Variants in ATP2A3 observed in about 807,000 individuals in gnomAD.
ATP2A3 encodes sarcoplasmic/endoplasmic reticulum calcium ATPase 3.
Under a neutral mutation model 106.8 loss-of-function variants are expected in ATP2A3, and 61 were observed. The observed-to-expected ratio is 0.57, with a 90% CI of 0.46 to 0.71. The LOEUF is 0.71. Ranked by LOEUF, ATP2A3 falls within the 30% of genes least tolerant of loss-of-function variation. ATP2A3 has a pLI of 0.00. For missense variants in ATP2A3, 1,201 were observed against 1,423.5 expected, an observed-to-expected ratio of 0.84 and a Z score of 2.52; for synonymous variants, 611 against 609.3, an observed-to-expected ratio of 1.00 and a Z score of -0.04.
Position 3,928,608 on chromosome 17 carries a change from G to C in ATP2A3, c.2980+55C>G, listed in dbSNP as rs1476138732. On this transcript the variant is annotated intron_variant, in intron 20 of 20. Transcript: ENST00000397041. The surrounding 1 kb of genome is among the most constrained non-coding windows in gnomAD (Gnocchi z 6.1). The stretch of plus-strand genomic sequence containing the variant: ...CACCCACAGCGTCCACTGCAGCCCA[G>C]GAGCAGAGGCGGGCGGGGAGGCAGG... The C allele has an allele frequency of 2.3e-5, 34 of 1,450,606 alleles. No homozygotes were observed. In the Admixed American group the frequency reaches 6.3e-4, roughly 27 times the overall value. 89.9% of individuals were successfully genotyped at this position (1,450,606 alleles called of 1,614,324 possible). A position where few individuals can be genotyped will look rare whatever the true frequency, so the allele number is the denominator to read the frequency against.
At chr17:3,944,672 C>G (rs1157719343) in intron 10 of ATP2A3, 32 bp downstream of exon 10, 2 of 1,603,224 alleles carry the variant, frequency 1.2e-6, no homozygotes, top group East Asian at 4.5e-5. Flanking sequence ...CGCCTGGATA[C>G]TAGGGAGGTC....
At position 3,955,920 on chromosome 17, in the gene ATP2A3, C is replaced by T. The variant is rs1269769364; in HGVS notation, c.119-2210G>A. ...TTTTTGAGATGGAGTCTTGCTCTCTCGCCCAGGCTGGAGCGCAGTGGCGGG... is the reference window on the plus strand; with the variant it reads ...TTTTTGAGATGGAGTCTTGCTCTCTTGCCCAGGCTGGAGCGCAGTGGCGGG... On this transcript the variant is annotated intron_variant, in intron 1 of 20. Coordinates refer to ENST00000397041, the MANE Select transcript of ATP2A3 (RefSeq NM_005173.4). This position sits in a 1 kb window ranked among gnomAD's most constrained non-coding sequence, Gnocchi z 4.2. Among the ~76,000 whole-genome samples the T allele has an allele frequency of 6.6e-6, 1 of 151,058 alleles. No homozygotes were observed. Among genetic ancestry groups the T allele is most frequent in the African/African-American group, 2.4e-5 (1 of 40,988 alleles).
At position 3,925,403 on chromosome 17, in the gene ATP2A3, T is replaced by C. The variant is rs79980163; in HGVS notation, c.*19A>G. On this transcript the variant is annotated 3_prime_UTR_variant, in exon 21 of 21. Transcript: ENST00000397041. The surrounding 1 kb of genome is among the most constrained non-coding windows in gnomAD (Gnocchi z 4.2). ...TCAGTCTGAGGTACACACCGGAGACTCCACTCTGTTCCCAGCGCTCACTTC... is the reference window on the plus strand; with the variant it reads ...TCAGTCTGAGGTACACACCGGAGACCCCACTCTGTTCCCAGCGCTCACTTC... 6.3e-4 allele frequency: 1,018 copies of C among 1,613,864 alleles called. 10 individuals carry two copies. In the African/African-American group the frequency reaches 0.012, roughly 19 times the overall value.
chr17:3,927,640 G>GA (rs1462820164), intron 20 of ATP2A3: 1 of 985,308 alleles, frequency 1.0e-6, no homozygotes, highest in East Asian at 1.1e-4. Context: ...ACAGGGGGCA[G>GA]AATGGCCTTG....
At chr17:3,948,153 G>T (rs1051579443) in intron 7 of ATP2A3, among the ~76,000 whole-genome samples, 1 of 152,212 alleles carries the variant, frequency 6.6e-6, no homozygotes, top group East Asian at 1.9e-4. Flanking sequence ...ATCAACCAGC[G>T]CAGCACAAGC....
At position 3,941,432 on chromosome 17, in the gene ATP2A3, C is replaced by T. The variant is rs374788633; in HGVS notation, c.1764+4G>A. On this transcript the variant is annotated splice_donor_region_variant and intron_variant, in intron 13 of 20. Transcript: ENST00000397041. The stretch of plus-strand genomic sequence containing the variant: ...CTGCAGGGAGAATCGGCTCCTGCAC[C>T]CACCTCGTACTGCACAAACTTGCTG... The T allele has an allele frequency of 6.8e-5, 110 of 1,613,984 alleles. No homozygotes were observed. Among genetic ancestry groups the T allele is most frequent in the Non-Finnish European group, 9.1e-5 (107 of 1,180,030 alleles).
Position 3,930,398 on chromosome 17 carries a change from AGAGCGGGTTGTCTTCG to A in ATP2A3, c.2631_2646del (p.Glu878LeufsTer23). 6.2e-7 allele frequency: 1 copy of A among 1,614,028 alleles called. No individual in the cohort carries two copies. Among genetic ancestry groups the A allele is most frequent in the Non-Finnish European group, 8.5e-7 (1 of 1,180,004 alleles). On this transcript the variant is annotated frameshift_variant, in exon 18 of 21. Coordinates refer to ENST00000397041, the MANE Select transcript of ATP2A3 (RefSeq NM_005173.4). LOFTEE classifies it high-confidence loss of function. This position sits in a 1 kb window ranked among gnomAD's most constrained non-coding sequence, Gnocchi z 5.4. Reference sequence around the variant, plus strand: ...AACACCTCACAGTCGATGCCGGCAAAGAGCGGGTTGTCTTCGGAGCACTTCAGGAAGTTCCTCTGGG... The same window carrying A: ...AACACCTCACAGTCGATGCCGGCAAAGAGCACTTCAGGAAGTTCCTCTGGG...
Position 3,941,487 on chromosome 17 carries a change from T to TG in ATP2A3, c.1712dup (p.Arg572LysfsTer35), listed in dbSNP as rs779330933. The TG allele has an allele frequency of 1.9e-6, 3 of 1,613,632 alleles. No homozygotes were observed. The highest frequency in any genetic ancestry group is 2.5e-6 in the Non-Finnish European group (3 of 1,179,824). On this transcript the variant is annotated frameshift_variant, in exon 13 of 21. Coordinates refer to ENST00000397041, the MANE Select transcript of ATP2A3 (RefSeq NM_005173.4). LOFTEE classifies it high-confidence loss of function. ...CGTCCAGCTCCATGTCCTCCTTCCTTGGGGGCGCGTCCCGGGTGGCCAGTG... is the reference window on the plus strand; with the variant it reads ...CGTCCAGCTCCATGTCCTCCTTCCTTGGGGGGCGCGTCCCGGGTGGCCAGTG...
intron 1 of ATP2A3, among the ~76,000 whole-genome samples, chr17:3,956,804 C>G (rs956024728): frequency 3.3e-5 from 5 of 152,198 alleles, no homozygotes; most frequent in East Asian, 1.9e-4. Context: ...ACTGATACCC[C>G]CTCCGCTGTG....
At chr17:3,964,041 A>T in intron 1 of ATP2A3, 133 bp downstream of exon 1, 1 of 362,088 alleles carries the variant, frequency 2.8e-6, no homozygotes, top group Non-Finnish European at 4.1e-6. Flanking sequence ...CGGGTGCCCC[A>T]GGAGCATCCG....
chr17:3,941,042 C>A lies in ATP2A3; in HGVS notation c.2029G>T (p.Ala677Ser). The change falls in exon 14 of 21, where the codon GCC (alanine) becomes TCC (serine). Residue 677 changes from alanine (A) to serine (S), a missense_variant. Ala to Ser is a moderately conservative substitution (Grantham distance 99). Coordinates refer to ENST00000397041, the MANE Select transcript of ATP2A3 (RefSeq NM_005173.4). Reference sequence around the variant, plus strand: ...GACTTGTGTGCGGGCTCCACGCGGGCGAAGCAGCGGGCGGTGCGGCAGGCC... The same window carrying A: ...GACTTGTGTGCGGGCTCCACGCGGGAGAAGCAGCGGGCGGTGCGGCAGGCC... ...RQACRTARCFARVEPAHKSRI... is the reference protein window; with the variant it reads ...RQACRTARCFSRVEPAHKSRI... 3.7e-6 allele frequency: 6 copies of A among 1,613,848 alleles called. No individual in the cohort carries two copies. The highest frequency in any genetic ancestry group is 5.1e-6 in the Non-Finnish European group (6 of 1,179,798).
At chr17:3,945,334 C>T in intron 8 of ATP2A3, 186 bp from the exon 9 acceptor site, 1 of 536,240 alleles carries the variant, frequency 1.9e-6, no homozygotes. Flanking sequence ...ACCGTCTGCT[C>T]TGCCAGATGT....
intron 8 of ATP2A3, among the ~76,000 whole-genome samples, chr17:3,945,682 C>A (rs563172571): frequency 9.2e-5 from 14 of 152,348 alleles, no homozygotes; most frequent in African/African-American, 2.2e-4. Context: ...ACTCAGCCCC[C>A]ACCTGTGCAC....
rs1324281455 is a variant in ATP2A3 at position 3,958,789 on chromosome 17, T to TAC, written c.119-5081_119-5080dup. Among the ~76,000 whole-genome samples, 24 of 94,926 alleles carry TAC rather than the reference T, an allele frequency of 2.5e-4. 1 individual carries two copies. The highest frequency in any genetic ancestry group is 3.1e-4 in the African/African-American group (6 of 19,162). The allele number at this position is 94,926 out of a possible 152,430, so 62.3% of individuals were successfully genotyped here. A position where few individuals can be genotyped will look rare whatever the true frequency, so the allele number is the denominator to read the frequency against. ...ACATATATATACACACACATATATA[T>TAC]ACACATATATATACACACATATATA... On this transcript the variant is annotated intron_variant, in intron 1 of 20. Coordinates refer to ENST00000397041, the MANE Select transcript of ATP2A3 (RefSeq NM_005173.4).
chr17:3,944,690 G>C lies in ATP2A3; in HGVS notation c.1287+14C>G, dbSNP rs757237176. 9.3e-6 allele frequency: 15 copies of C among 1,611,136 alleles called. No homozygotes were observed. The highest frequency in any genetic ancestry group is 2.7e-5 in the African/African-American group (2 of 74,820). ...CTGGATACTAGGGAGGTCATGAAAG[G>C]GGGTGAGGCCCACCTCGTTGTAGTC... On this transcript the variant is annotated intron_variant, in intron 10 of 20. Coordinates refer to ENST00000397041, the MANE Select transcript of ATP2A3 (RefSeq NM_005173.4).
chr17:3,956,363 A>G (rs1202918141), intron 1 of ATP2A3, among the ~76,000 whole-genome samples: 1 of 152,066 alleles, frequency 6.6e-6, no homozygotes, highest in African/African-American at 2.4e-5. Context: ...TTTTGAGAAG[A>G]AGGATGTGTA....
chr17:3,951,915 TGGCTGCCCACCGAG>T (rs1251022004), intron 3 of ATP2A3, among the ~76,000 whole-genome samples: 1 of 152,014 alleles, frequency 6.6e-6, no homozygotes, highest in African/African-American at 2.4e-5. Flanking sequence ...GGCAGTTGGA[TGGCTGCCCACCGAG>T]GCCTTACTGT....
Position 3,941,064 on chromosome 17 carries a change from G to C in ATP2A3, c.2007C>G (p.Ala669=). The change falls in exon 14 of 21, where the codon GCC becomes GCG. Residue 669 remains alanine (A), a synonymous_variant. Transcript: ENST00000397041. ...GGGCGAAGCAGCGGGCGGTGCGGCA[G>C]GCCTGGCGCTGCTGCTCGGGGCTGA... ...DDLSPEQQRQ[A]CRTARCFARV... 1 of 1,613,554 alleles carries C rather than the reference G, an allele frequency of 6.2e-7. No individual in the cohort carries two copies. Among genetic ancestry groups the C allele is most frequent in the Non-Finnish European group, 8.5e-7 (1 of 1,179,634 alleles).
At chr17:3,937,900 C>T (rs570023655) in intron 14 of ATP2A3, among the ~76,000 whole-genome samples, 3 of 152,006 alleles carry the variant, frequency 2.0e-5, no homozygotes, top group South Asian at 2.1e-4. Context: ...ATGGGGATGA[C>T]GGTGAGTCAG....
Sources: gnomAD v4.1 joint callset for allele counts (sites outside exome capture counted in the v4.1 genomes callset) on GRCh38, gnomAD v4.1.1 for gene constraint, Gnocchi (gnomAD v3.1) non-coding constraint, MANE v1.5 for transcripts, NCBI Gene and HGNC (gene_info 2026-07-23, HGNC 2026-07-21) for gene names.